Variants in CADPS2 observed in about 807,000 individuals in gnomAD.
The protein encoded by CADPS2 is calcium-dependent secretion activator 2.
In CADPS2, 93 loss-of-function variants were observed where a neutral mutation model predicts 172.5. That is an observed-to-expected ratio of 0.54 (90% CI 0.46 to 0.64). The LOEUF (loss-of-function observed/expected upper bound fraction) is 0.64. CADPS2 is among the 30% of genes least tolerant of loss of function. The pLI, the probability that CADPS2 is intolerant of heterozygous loss-of-function variation, is 0.00. For synonymous variants in CADPS2, 546 were observed against 555.2 expected (o/e 0.98, Z 0.23); for missense variants, 1,420 against 1,565.9 (o/e 0.91, Z 1.57).
intron 25 of CADPS2, among the ~76,000 whole-genome samples, chr7:122,368,408 T>C (rs536375136): frequency 1.3e-5 from 2 of 152,238 alleles, no homozygotes; most frequent in African/African-American, 4.8e-5. Context: ...CATGGTGTTG[T>C]GGAGAGATCA....
At chr7:122,325,773 T>C (rs117891231) in intron 28 of CADPS2, among the ~76,000 whole-genome samples, 192 bp from the exon 29 acceptor site, 2,367 of 152,236 alleles carry the variant, frequency 0.016, 29 homozygotes, top group Non-Finnish European at 0.024. Context: ...ATCTGTTAAG[T>C]TGACCTAGGC....
At chr7:122,382,144 C>T (rs1303627739) in intron 24 of CADPS2, 1 of 151,998 alleles carries the variant, frequency 6.6e-6, no homozygotes, top group Non-Finnish European at 1.5e-5. Flanking sequence ...ATTAGGGGAC[C>T]CAGGTAACTT....
chr7:122,585,594 T>C (rs549598314), intron 6 of CADPS2: 8 of 152,116 alleles, frequency 5.3e-5, no homozygotes, highest in South Asian at 2.1e-4. Flanking sequence ...CCAGTTATTG[T>C]CTTCCCATTT....
At chr7:122,849,361 C>T (rs767041926) in intron 1 of CADPS2, among the ~76,000 whole-genome samples, 2 of 152,116 alleles carry the variant, frequency 1.3e-5, no homozygotes, top group Non-Finnish European at 2.9e-5. Flanking sequence ...TTGCATTTTA[C>T]CAAGCCTCTT....
At chr7:122,345,492 T>G in intron 28 of CADPS2, 82 bp downstream of exon 28, 1 of 833,196 alleles carries the variant, frequency 1.2e-6, no homozygotes, top group Non-Finnish European at 2.0e-6. Context: ...GACTATGCTT[T>G]GCAAACATAC....
chr7:122,551,728 T>G (rs1205819109), intron 8 of CADPS2, among the ~76,000 whole-genome samples: 1 of 152,146 alleles, frequency 6.6e-6, no homozygotes, highest in Non-Finnish European at 1.5e-5. Context: ...TTTTTAAAAC[T>G]TGACTTGTCT....
chr7:122,734,241 TA>T (rs2091931084), intron 2 of CADPS2, among the ~76,000 whole-genome samples: 1 of 148,194 alleles, frequency 6.7e-6, no homozygotes, highest in African/African-American at 2.4e-5. Context: ...TATTTAAATA[TA>T]TTTTAATTTC....
intron 4 of CADPS2, among the ~76,000 whole-genome samples, chr7:122,622,008 G>A (rs1040623900): frequency 1.1e-4 from 16 of 152,220 alleles, no homozygotes; most frequent in Admixed American, 7.9e-4. Flanking sequence ...AACAAACTCT[G>A]AAAACATGCA....
chr7:122,617,107 C>G (rs555135286), intron 5 of CADPS2, among the ~76,000 whole-genome samples: 21 of 152,270 alleles, frequency 1.4e-4, no homozygotes, highest in Non-Finnish European at 2.4e-4. Context: ...AAGGAAGCAT[C>G]TGCTTGACAT....
chr7:122,659,959 G>C (rs1256758623), intron 3 of CADPS2, among the ~76,000 whole-genome samples: 2 of 152,108 alleles, frequency 1.3e-5, no homozygotes, highest in Non-Finnish European at 2.9e-5. Context: ...AACAAAAACT[G>C]AGAGACTGCA....
intron 2 of CADPS2, chr7:122,699,098 G>T (rs889862312): frequency 1.8e-6 from 1 of 558,878 alleles, no homozygotes; most frequent in Non-Finnish European, 3.2e-6. Context: ...TTACTAGAGA[G>T]AGGTGAAAAA....
intron 28 of CADPS2, among the ~76,000 whole-genome samples, chr7:122,344,208 C>T (rs2037221139): frequency 6.6e-6 from 1 of 152,058 alleles, no homozygotes; most frequent in Non-Finnish European, 1.5e-5. Flanking sequence ...AAACATTTGC[C>T]GTAACTTGCA....
intron 9 of CADPS2, among the ~76,000 whole-genome samples, chr7:122,492,835 C>T (rs2058419542): frequency 6.6e-6 from 1 of 151,926 alleles, no homozygotes; most frequent in East Asian, 1.9e-4. Context: ...AATAGCTGGA[C>T]CACAGGCACA....
intron 8 of CADPS2, among the ~76,000 whole-genome samples, chr7:122,520,272 C>T (rs938714093): frequency 1.3e-5 from 2 of 151,532 alleles, no homozygotes; most frequent in Admixed American, 1.3e-4. Context: ...CAAGCATTAA[C>T]GCTGCAATGC....
At chr7:122,475,870 C>T (rs1273844709) in intron 12 of CADPS2, among the ~76,000 whole-genome samples, 1 of 152,144 alleles carries the variant, frequency 6.6e-6, no homozygotes, top group Admixed American at 6.5e-5. Context: ...AAGTATCATA[C>T]TTATACCTTT....
At chr7:122,346,075 T>A (rs1002980053) in intron 27 of CADPS2, among the ~76,000 whole-genome samples, 1 of 152,056 alleles carries the variant, frequency 6.6e-6, no homozygotes, top group African/African-American at 2.4e-5. Flanking sequence ...ATCAATAATA[T>A]TTAAAAATGC....
chr7:122,478,816 G>A (rs2056983998), intron 12 of CADPS2, among the ~76,000 whole-genome samples: 1 of 152,084 alleles, frequency 6.6e-6, no homozygotes, highest in Non-Finnish European at 1.5e-5. Context: ...GAGAGAATGT[G>A]AGATTGAAAA....
chr7:122,694,346 A>G (rs1279467074), intron 2 of CADPS2, among the ~76,000 whole-genome samples: 1 of 152,202 alleles, frequency 6.6e-6, no homozygotes, highest in Non-Finnish European at 1.5e-5. Context: ...AGATGCTGTG[A>G]GTTGTTAAGT....
chr7:122,471,332 G>T, intron 14 of CADPS2, 43 bp downstream of exon 14: 3 of 1,400,698 alleles, frequency 2.1e-6, no homozygotes, highest in South Asian at 1.3e-5. Context: ...CTTTTCCATA[G>T]TCAACCCCAT....
Sources: allele counts gnomAD v4.1 joint callset (sites outside exome capture counted in the v4.1 genomes callset), GRCh38; gene constraint gnomAD v4.1.1; transcripts MANE v1.5; gene names NCBI Gene and HGNC (gene_info 2026-07-23, HGNC 2026-07-21).